Variants in EIF4E3 observed in about 807,000 individuals in gnomAD.
The protein encoded by EIF4E3 is eukaryotic translation initiation factor 4E type 3.
EIF4E3 carries 26 observed loss-of-function variants against 31.7 expected under a neutral mutation model. The ratio of observed to expected loss-of-function variants is 0.82; its 90% CI spans 0.60 to 1.14. The LOEUF is 1.14. EIF4E3 is among the 50% of genes most tolerant of loss of function. The pLI is 0.00. For synonymous variants in EIF4E3, 128 were observed against 107.7 expected (o/e 1.19, Z -1.17); for missense variants, 304 against 270.9 (o/e 1.12, Z -0.86).
intron 5 of EIF4E3, among the ~76,000 whole-genome samples, chr3:71,692,218 A>G (rs1266559077): frequency 1.3e-5 from 2 of 152,234 alleles, no homozygotes; most frequent in African/African-American, 4.8e-5. Flanking sequence ...GCAGCATAAG[A>G]CATTAGAGCT....
chr3:71,710,600 C>A (rs2049364287), intron 1 of EIF4E3, 116 bp from the exon 2 acceptor site: 10 of 984,536 alleles, frequency 1.0e-5, no homozygotes, highest in South Asian at 1.6e-5. Flanking sequence ...AACCACAGGA[C>A]TGGACATTTT....
chr3:71,753,225 T>C (rs2049952836), intron 1 of EIF4E3, among the ~76,000 whole-genome samples: 1 of 152,210 alleles, frequency 6.6e-6, no homozygotes, highest in African/African-American at 2.4e-5. Context: ...TTGAGGGAGA[T>C]AATGCTTGCC....
At position 71,725,248 on chromosome 3, in the gene EIF4E3, C is replaced by T. The variant is rs1294471433; in HGVS notation, c.120G>A (p.Leu40=). ...GCGGGACCCCGCCCGGCTCAGGCTG[C>T]AGCGCCGACAGCTGCTGCAGGCCGA... is the stretch of plus-strand genomic sequence containing the variant. ...PPLGLQQLSA[L]QPEPGGVPLH... is the part of the protein sequence containing the mutation. The change falls in exon 1 of 7, where the codon CTG becomes CTA. Residue 40 remains leucine, a synonymous_variant. Coordinates refer to ENST00000425534, the MANE Select transcript of EIF4E3 (RefSeq NM_001134651.2). The surrounding 1 kb of genome is among the most constrained non-coding windows in gnomAD (Gnocchi z 6.1). 1 of 1,086,138 alleles carries T rather than the reference C, an allele frequency of 9.2e-7. No homozygotes were observed. Among genetic ancestry groups the T allele is most frequent in the South Asian group, 3.1e-5 (1 of 32,326 alleles). The allele number at this position is 1,086,138 out of a possible 1,614,324, so 67.3% of individuals were successfully genotyped here. A position where few individuals can be genotyped will look rare whatever the true frequency, so the allele number is the denominator to read the frequency against.
At chr3:71,685,674 A>C (rs997807180) in intron 6 of EIF4E3, among the ~76,000 whole-genome samples, 2 of 152,210 alleles carry the variant, frequency 1.3e-5, no homozygotes, top group Admixed American at 6.5e-5. Flanking sequence ...GAACTCAGGA[A>C]TTTAAAAAAA....
At chr3:71,693,808 C>T (rs2049095408) in intron 5 of EIF4E3, 67 bp downstream of exon 5, 10 of 1,365,024 alleles carry the variant, frequency 7.3e-6, no homozygotes, top group Middle Eastern at 1.9e-4. Flanking sequence ...TAACAAGCTG[C>T]TGCAAGAAAC....
chr3:71,693,317 C>T (rs1312472119), intron 5 of EIF4E3, among the ~76,000 whole-genome samples: 4 of 152,138 alleles, frequency 2.6e-5, no homozygotes, highest in Non-Finnish European at 5.9e-5. Context: ...TCTGTCTTAT[C>T]CTCCACTGTG....
intron 6 of EIF4E3, among the ~76,000 whole-genome samples, chr3:71,688,082 A>G (rs943417864): frequency 6.6e-6 from 1 of 152,102 alleles, no homozygotes; most frequent in African/African-American, 2.4e-5. Flanking sequence ...TTATGCCCTT[A>G]AAGTATGAAT....
At chr3:71,668,707 G>GC in the EIF4E3 span, among the ~76,000 whole-genome samples, 3 of 152,090 alleles carry the variant, frequency 2.0e-5, no homozygotes, top group Non-Finnish European at 4.4e-5. Flanking sequence ...ACCATCTCAC[G>GC]CCAGTTAGAA....
intron 1 of EIF4E3, among the ~76,000 whole-genome samples, chr3:71,734,924 T>C (rs13320404): frequency 0.14 from 21,440 of 152,176 alleles, 3,011 homozygotes; most frequent in African/African-American, 0.37. Context: ...AATGGTTTTT[T>C]GGTTTCTAAT....
chr3:71,710,804 G>C (rs2049367685), intron 1 of EIF4E3, among the ~76,000 whole-genome samples: 1 of 152,150 alleles, frequency 6.6e-6, no homozygotes, highest in Non-Finnish European at 1.5e-5. Flanking sequence ...TGATAACCAA[G>C]CATTTTCTCC....
intron 1 of EIF4E3, among the ~76,000 whole-genome samples, chr3:71,720,424 G>T (rs1429989006): frequency 6.6e-6 from 1 of 151,926 alleles, no homozygotes; most frequent in African/African-American, 2.4e-5. Flanking sequence ...CAAACTCCTG[G>T]CCTCAAGAGA....
At chr3:71,663,244 C>T in the EIF4E3 span, among the ~76,000 whole-genome samples, 5 of 152,126 alleles carry the variant, frequency 3.3e-5, no homozygotes, top group Non-Finnish European at 5.9e-5. Context: ...ATTTCTTTTA[C>T]ATTTTTGATT....
intron 1 of EIF4E3, among the ~76,000 whole-genome samples, chr3:71,713,629 G>T (rs1170202396): frequency 5.3e-5 from 8 of 152,066 alleles, no homozygotes; most frequent in Admixed American, 5.2e-4. Context: ...TAGAGGGAGG[G>T]TCTTACTATG....
chr3:71,740,622 T>G (rs1486856852), intron 1 of EIF4E3, among the ~76,000 whole-genome samples: 2 of 152,142 alleles, frequency 1.3e-5, no homozygotes, highest in Admixed American at 1.3e-4. Flanking sequence ...TAGTCCCAGC[T>G]ACTTGGGAGG....
chr3:71,737,320 CAG>C (rs2049773728), intron 1 of EIF4E3, among the ~76,000 whole-genome samples: 1 of 152,182 alleles, frequency 6.6e-6, no homozygotes, highest in South Asian at 2.1e-4. Context: ...ATGTTCAAAA[CAG>C]AGCACTGTGG....
chr3:71,707,414 C>T (rs1052161834), intron 2 of EIF4E3, among the ~76,000 whole-genome samples: 1 of 152,170 alleles, frequency 6.6e-6, no homozygotes, highest in African/African-American at 2.4e-5. Context: ...TAAGTAAAAG[C>T]TGGCCACATC....
chr3:71,684,787 T>C, intron 6 of EIF4E3, 59 bp from the exon 7 acceptor site: 2 of 1,575,398 alleles, frequency 1.3e-6, no homozygotes, highest in Admixed American at 3.5e-5. Context: ...AAGCAAAGGA[T>C]GGGCCAACCC....
At chr3:71,712,933 C>T (rs1202692384) in intron 1 of EIF4E3, among the ~76,000 whole-genome samples, 1 of 149,604 alleles carries the variant, frequency 6.7e-6, no homozygotes, top group Non-Finnish European at 1.5e-5. Context: ...ACAGTCTGGT[C>T]TTTACTTGTA....
intron 6 of EIF4E3, among the ~76,000 whole-genome samples, chr3:71,688,549 C>A (rs923311184): frequency 6.6e-6 from 1 of 152,104 alleles, no homozygotes; most frequent in African/African-American, 2.4e-5. Flanking sequence ...CTTAACGACC[C>A]CAAATTGGTG....
Sources: allele counts gnomAD v4.1 joint callset (sites outside exome capture counted in the v4.1 genomes callset), GRCh38; gene constraint gnomAD v4.1.1; non-coding constraint Gnocchi (gnomAD v3.1); transcripts MANE v1.5; gene names NCBI Gene and HGNC (gene_info 2026-07-23, HGNC 2026-07-21).